Variants in RALGAPA2 observed in about 807,000 individuals in gnomAD.
RALGAPA2 encodes ral GTPase-activating protein subunit alpha-2.
RALGAPA2 carries 139 observed loss-of-function variants against 230.4 expected under a neutral mutation model. The ratio of observed to expected loss-of-function variants is 0.60; its 90% CI spans 0.53 to 0.69. The LOEUF is 0.69. RALGAPA2 is among the 30% of genes least tolerant of loss of function. RALGAPA2 has a pLI of 0.00. For synonymous variants in RALGAPA2, 847 were observed against 837.8 expected, an observed-to-expected ratio of 1.01 and a Z score of -0.19; for missense variants, 2,163 against 2,276.0, an observed-to-expected ratio of 0.95 and a Z score of 1.01.
intron 37 of RALGAPA2, among the ~76,000 whole-genome samples, chr20:20,426,542 T>C (rs1260940136): frequency 6.6e-6 from 1 of 152,164 alleles, no homozygotes; most frequent in Non-Finnish European, 1.5e-5. Flanking sequence ...CACAAGGTGG[T>C]CATACAGCCC....
At chr20:20,413,672 G>A (rs1467442083) in intron 37 of RALGAPA2, among the ~76,000 whole-genome samples, 1 of 152,210 alleles carries the variant, frequency 6.6e-6, no homozygotes, top group Non-Finnish European at 1.5e-5. Context: ...AAGCACTACT[G>A]GACAGCGTGC....
chr20:20,426,370 C>T (rs1207628176), intron 37 of RALGAPA2, among the ~76,000 whole-genome samples: 1 of 152,178 alleles, frequency 6.6e-6, no homozygotes, highest in African/African-American at 2.4e-5. Context: ...CTGTTCTACA[C>T]CTTCTGCTAA....
Position 20,620,540 on chromosome 20 carries a change from T to C in RALGAPA2, c.1324A>G (p.Met442Val). The C allele has an allele frequency of 1.2e-6, 2 of 1,613,950 alleles. No homozygotes were observed. Among genetic ancestry groups the C allele is most frequent in the Admixed American group, 1.7e-5 (1 of 60,036 alleles). Reference protein sequence around the residue: ...KWILQDKPVFMEEPDRKDVAQ... With the variant: ...KWILQDKPVFVEEPDRKDVAQ... The stretch of plus-strand genomic sequence containing the variant: ...ACATCTTTTCTATCTGGCTCCTCCA[T>C]GAACACAGGTTTGTCCTGGAGAATC... Residue 442 changes from methionine to valine, a missense_variant, in exon 11 of 40, where the codon ATG (methionine) becomes GTG (valine). Physicochemically the swap from Met to Val is conservative, Grantham distance 21. Coordinates refer to ENST00000202677, the MANE Select transcript of RALGAPA2 (RefSeq NM_020343.4).
chr20:20,416,986 A>C (rs2122817507), intron 37 of RALGAPA2, among the ~76,000 whole-genome samples: 1 of 152,320 alleles, frequency 6.6e-6, no homozygotes, highest in South Asian at 2.1e-4. Context: ...GAACTCATGC[A>C]GCCTCTAATC....
At chr20:20,709,098 C>G (rs1484892152) in intron 1 of RALGAPA2, among the ~76,000 whole-genome samples, 1 of 152,008 alleles carries the variant, frequency 6.6e-6, no homozygotes, top group Non-Finnish European at 1.5e-5. Context: ...TCGGGCAGAT[C>G]ACCTGAAGCC....
At chr20:20,474,220 T>C (rs1348683560) in intron 36 of RALGAPA2, among the ~76,000 whole-genome samples, 3 of 152,134 alleles carry the variant, frequency 2.0e-5, no homozygotes, top group African/African-American at 4.8e-5. Flanking sequence ...CGGAAGAACA[T>C]TCCAGGCAGA....
intron 23 of RALGAPA2, among the ~76,000 whole-genome samples, chr20:20,563,009 A>G (rs1284259719): frequency 6.6e-6 from 1 of 152,228 alleles, no homozygotes; most frequent in African/African-American, 2.4e-5. Context: ...CTCGGAAGGC[A>G]GTGGATGCTA....
intron 37 of RALGAPA2, among the ~76,000 whole-genome samples, chr20:20,467,007 T>C (rs77221374): frequency 1.5e-4 from 23 of 152,350 alleles, no homozygotes; most frequent in Non-Finnish European, 2.9e-4. Flanking sequence ...AAACATGTTT[T>C]AGACCTTTAT....
At chr20:20,545,534 T>A (rs1984842640) in intron 24 of RALGAPA2, among the ~76,000 whole-genome samples, 1 of 152,214 alleles carries the variant, frequency 6.6e-6, no homozygotes, top group South Asian at 2.1e-4. Flanking sequence ...GGCTTGAAGT[T>A]TGAATTTACC....
chr20:20,605,108 A>T, intron 15 of RALGAPA2, 67 bp downstream of exon 15: 1 of 1,353,728 alleles, frequency 7.4e-7, no homozygotes, highest in Non-Finnish European at 1.0e-6. Flanking sequence ...TTAATTGCTT[A>T]GTCATACAAA....
intron 23 of RALGAPA2, among the ~76,000 whole-genome samples, chr20:20,554,127 C>A (rs1037691200): frequency 6.6e-6 from 1 of 152,098 alleles, no homozygotes; most frequent in African/African-American, 2.4e-5. Context: ...CAAAATGAAG[C>A]CTATACCAAA....
intron 37 of RALGAPA2, among the ~76,000 whole-genome samples, chr20:20,462,817 TGCA>T (rs1342826481): frequency 6.6e-6 from 1 of 152,248 alleles, no homozygotes; most frequent in Non-Finnish European, 1.5e-5. Flanking sequence ...TCTTTGGCTT[TGCA>T]GCGTCTCTTA....
chr20:20,440,514 T>C (rs1380429424), intron 37 of RALGAPA2, among the ~76,000 whole-genome samples: 1 of 152,244 alleles, frequency 6.6e-6, no homozygotes. Flanking sequence ...TCTTATTTTC[T>C]TTCATCCTAA....
At chr20:20,475,429 T>G (rs2061629136) in intron 36 of RALGAPA2, among the ~76,000 whole-genome samples, 1 of 152,190 alleles carries the variant, frequency 6.6e-6, no homozygotes, top group Non-Finnish European at 1.5e-5. Context: ...TCAGTGCAAT[T>G]TATTTTTGCA....
In RALGAPA2 at chr20:20,537,347, C is replaced by T. The variant is rs142104561; in HGVS notation, c.3286-563G>A. Among the ~76,000 whole-genome samples the T allele has an allele frequency of 7.6e-3, 1,158 of 152,112 alleles. 11 individuals carry two copies. Among genetic ancestry groups the T allele is most frequent in the African/African-American group, 0.026 (1,070 of 41,490 alleles). On this transcript the variant is annotated intron_variant, in intron 24 of 39. Coordinates refer to ENST00000202677, the MANE Select transcript of RALGAPA2 (RefSeq NM_020343.4). ...ATATTTTAAAAGGCATGGCTGGGTG[C>T]GGTGGCTCACACCTGTAATCCCAGC... is the stretch of plus-strand genomic sequence containing the variant.
At chr20:20,528,746 T>A (rs1427404377) in intron 27 of RALGAPA2, among the ~76,000 whole-genome samples, 1 of 152,196 alleles carries the variant, frequency 6.6e-6, no homozygotes, top group Non-Finnish European at 1.5e-5. Flanking sequence ...TAGGTCACCC[T>A]TGCAGGGCAT....
At chr20:20,594,728 C>CTTTTTTTT (rs759189397) in intron 16 of RALGAPA2, among the ~76,000 whole-genome samples, 2 of 134,042 alleles carry the variant, frequency 1.5e-5, no homozygotes, top group Non-Finnish European at 3.2e-5. Flanking sequence ...CTATTACTTT[C>CTTTTTTTT]TTTTTTTTTT....
intron 31 of RALGAPA2, among the ~76,000 whole-genome samples, chr20:20,515,449 A>G (rs1339815278): frequency 6.6e-6 from 1 of 152,236 alleles, no homozygotes; most frequent in East Asian, 1.9e-4. Flanking sequence ...CCTTTGAAAG[A>G]AGCAGAAAGC....
intron 37 of RALGAPA2, among the ~76,000 whole-genome samples, chr20:20,414,085 G>A (rs1054061537): frequency 6.6e-6 from 1 of 152,258 alleles, no homozygotes; most frequent in Non-Finnish European, 1.5e-5. Flanking sequence ...TGGCGAACAG[G>A]CACTCTGACA....
Sources: allele counts gnomAD v4.1 joint callset (sites outside exome capture counted in the v4.1 genomes callset), GRCh38; gene constraint gnomAD v4.1.1; transcripts MANE v1.5; gene names NCBI Gene and HGNC (gene_info 2026-07-23, HGNC 2026-07-21).